C6orf132: variants seen among roughly 807,000 people sequenced by gnomAD.
C6orf132 encodes the protein uncharacterized protein C6orf132.
In C6orf132, 43 loss-of-function variants were observed where a neutral mutation model predicts 65.3. That is an observed-to-expected ratio of 0.66 (90% CI 0.52 to 0.85). The LOEUF (loss-of-function observed/expected upper bound fraction) is 0.85, where lower values mean the gene tolerates loss of function less well. Among genes scored for constraint, C6orf132 ranks in the 40% least tolerant of loss-of-function variants. The pLI is 0.00. For synonymous variants in C6orf132, 631 were observed against 654.1 expected (o/e 0.96, Z 0.54); for missense variants, 1,488 against 1,548.8 (o/e 0.96, Z 0.66).
Position 42,128,687 on chromosome 6 carries a change from C to A in C6orf132, c.237G>T (p.Leu79=). The change falls in exon 2 of 5, where the codon CTG becomes CTT. Residue 79 remains leucine, a synonymous_variant. Transcript: ENST00000341865. ...CCGTACTCACCAGCGGAAGGAAGGT[C>A]AGCAGGGGCCGGACTCTTGGCCGAG... ...LKARPRVRPL[L]TFLPLNAQEN... 1 of 1,551,336 alleles carries A rather than the reference C, an allele frequency of 6.4e-7. No homozygotes were observed. Among genetic ancestry groups the A allele is most frequent in the South Asian group, 1.2e-5 (1 of 84,030 alleles).
chr6:42,107,607 G>A (rs763806007), intron 3 of C6orf132, 24 bp from the exon 4 acceptor site: 2 of 1,550,502 alleles, frequency 1.3e-6, no homozygotes, highest in South Asian at 1.2e-5. Flanking sequence ...AGGCAAAGAT[G>A]GGGGGCAGGA....
In C6orf132 at chr6:42,142,297, C is replaced by T; in HGVS notation, c.145+3G>A. 1 of 1,550,006 alleles carries T rather than the reference C, an allele frequency of 6.5e-7. No homozygotes were observed. Among genetic ancestry groups the T allele is most frequent in the Non-Finnish European group, 8.7e-7 (1 of 1,146,548 alleles). On this transcript the variant is annotated splice_donor_region_variant and intron_variant, in intron 1 of 4. Transcript: ENST00000341865. ...CAGCGCCCTCCGTCCCCGGAGTACT[C>T]ACCGAAGCCCCCGGTCCCCTCCTCC...
intron 2 of C6orf132, among the ~76,000 whole-genome samples, chr6:42,128,342 T>C (rs1766798470): frequency 6.6e-6 from 1 of 152,172 alleles, no homozygotes; most frequent in Non-Finnish European, 1.5e-5. Flanking sequence ...CAGCACCTAA[T>C]GCAGGGCCTG....
At position 42,103,715 on chromosome 6, in the gene C6orf132, C is replaced by G; in HGVS notation, c.*46G>C. On this transcript the variant is annotated 3_prime_UTR_variant, in exon 5 of 5. Coordinates refer to ENST00000341865, the MANE Select transcript of C6orf132 (RefSeq NM_001164446.3). ...CCCCACAAGAAACAAGTGCCCAGAT[C>G]CTTAAAGACACAGTTTGTTGGAGTA... 1 of 1,215,316 alleles carries G rather than the reference C, an allele frequency of 8.2e-7. No homozygotes were observed. The highest frequency in any genetic ancestry group is 1.1e-6 in the Non-Finnish European group (1 of 945,258). 75.3% of individuals were successfully genotyped at this position (1,215,316 alleles called of 1,614,324 possible). A position where few individuals can be genotyped will look rare whatever the true frequency, so the allele number is the denominator to read the frequency against.
rs1376923959 is a variant in C6orf132 at position 42,142,454 on chromosome 6, G to C, written c.-10C>G. The C allele has an allele frequency of 6.5e-7, 1 of 1,549,226 alleles. No homozygotes were observed. Among genetic ancestry groups the C allele is most frequent in the South Asian group, 1.2e-5 (1 of 83,952 alleles). On this transcript the variant is annotated 5_prime_UTR_variant, in exon 1 of 5. Coordinates refer to ENST00000341865, the MANE Select transcript of C6orf132 (RefSeq NM_001164446.3). Reference sequence around the variant, plus strand: ...TCTGCTTCTTTTTCATGCTGCCGCAGCCCGCGCGGGCGCCAGGGAAGGACC... The same window carrying C: ...TCTGCTTCTTTTTCATGCTGCCGCACCCCGCGCGGGCGCCAGGGAAGGACC...
rs767594617 is a variant in C6orf132 at position 42,105,483 on chromosome 6, G to A, written c.2429C>T (p.Pro810Leu). ...PVEVKEPPGL[P>L]AKPPASAQPT... ...CTGGGCCGAGGCAGGAGGCTTGGCT[G>A]GCAGCCCTGGGGGCTCCTTCACCTC... is the stretch of plus-strand genomic sequence containing the variant. Residue 810 changes from proline (P) to leucine (L), a missense_variant, in exon 4 of 5, where the codon CCA (proline) becomes CTA (leucine). Pro to Leu is a moderately conservative substitution (Grantham distance 98). Coordinates refer to ENST00000341865, the MANE Select transcript of C6orf132 (RefSeq NM_001164446.3). 6.5e-7 allele frequency: 1 copy of A among 1,533,432 alleles called. No individual in the cohort carries two copies. The highest frequency in any genetic ancestry group is 8.7e-7 in the Non-Finnish European group (1 of 1,145,074). 95.0% of individuals were successfully genotyped at this position (1,533,432 alleles called of 1,614,324 possible). A position where few individuals can be genotyped will look rare whatever the true frequency, so the allele number is the denominator to read the frequency against.
In C6orf132 at chr6:42,103,648, G is replaced by C. The variant is rs2127472443; in HGVS notation, c.*113C>G. 1.8e-6 allele frequency: 1 copy of C among 548,622 alleles called. No homozygotes were observed. Among genetic ancestry groups the C allele is most frequent in the East Asian group, 3.5e-5 (1 of 28,580 alleles). 34.0% of individuals were successfully genotyped at this position (548,622 alleles called of 1,614,324 possible). On this transcript the variant is annotated 3_prime_UTR_variant, in exon 5 of 5. Coordinates refer to ENST00000341865, the MANE Select transcript of C6orf132 (RefSeq NM_001164446.3). ...CTTTGGGGATCAAAGACTCCTCTGT[G>C]TCTGAGTCAGGTCGCCCAACACCTG... is the stretch of plus-strand genomic sequence containing the variant.
intron 2 of C6orf132, among the ~76,000 whole-genome samples, chr6:42,112,096 TC>T (rs1376265823): frequency 1.3e-5 from 2 of 152,198 alleles, no homozygotes; most frequent in African/African-American, 4.8e-5. Flanking sequence ...TACCTGTCAT[TC>T]CCACTCTCCA....
At chr6:42,123,813 C>T (rs1353633490) in intron 2 of C6orf132, among the ~76,000 whole-genome samples, 1 of 152,182 alleles carries the variant, frequency 6.6e-6, no homozygotes, top group African/African-American at 2.4e-5. Context: ...CCGCAGTATT[C>T]TCATCTTGAC....
rs990501290 is a variant in C6orf132 at position 42,124,394 on chromosome 6, G to T, written c.252+4278C>A. 2.6e-5 allele frequency among the ~76,000 whole-genome samples: 4 copies of T among 152,372 alleles called. No homozygotes were observed. The highest frequency in any genetic ancestry group is 9.6e-5 in the African/African-American group (4 of 41,596). On this transcript the variant is annotated intron_variant, in intron 2 of 4. Transcript: ENST00000341865. The surrounding 1 kb of genome is among the most constrained non-coding windows in gnomAD (Gnocchi z 4.0). The stretch of plus-strand genomic sequence containing the variant: ...CTCCTTCTCTCTAGCTCTGTCCCCT[G>T]GCAGGCTCCTGTAGGGCACTGACAG...
chr6:42,105,503 C>T lies in C6orf132; in HGVS notation c.2409G>A (p.Val803=), dbSNP rs28666916. ...GAAGPGEPVE[V]KEPPGLPAKP... The stretch of plus-strand genomic sequence containing the variant: ...TGGCTGGCAGCCCTGGGGGCTCCTT[C>T]ACCTCCACGGGCTCCCCTGGCCCTG... The change falls in exon 4 of 5, where the codon GTG becomes GTA. Residue 803 remains valine, a synonymous_variant. Coordinates refer to ENST00000341865, the MANE Select transcript of C6orf132 (RefSeq NM_001164446.3). The T allele has an allele frequency of 0.23, 349,634 of 1,532,384 alleles. 42,278 individuals are homozygous for T. The highest frequency in any genetic ancestry group is 0.32 in the Middle Eastern group (1,881 of 5,788). The allele number at this position is 1,532,384 out of a possible 1,614,324, so 94.9% of individuals were successfully genotyped here.
chr6:42,105,350 A>C lies in C6orf132; in HGVS notation c.2562T>G (p.Ser854=). 6.5e-7 allele frequency: 1 copy of C among 1,536,750 alleles called. No homozygotes were observed. Among genetic ancestry groups the C allele is most frequent in the Non-Finnish European group, 8.7e-7 (1 of 1,146,852 alleles). Residue 854 remains serine (S), a synonymous_variant, in exon 4 of 5, where the codon TCT becomes TCG. Transcript: ENST00000341865. ...AGGACCGACCCAGGGCAGCCCCTACAGACCTTCCCTTCTGAGCCCTCTGCC... is the reference window on the plus strand; with the variant it reads ...AGGACCGACCCAGGGCAGCCCCTACCGACCTTCCCTTCTGAGCCCTCTGCC... ...AARQRAQKGR[S]VGAALGRSSL... is the part of the protein sequence containing the mutation.
chr6:42,106,533 TC>T lies in C6orf132; in HGVS notation c.1378del (p.Asp460ThrfsTer57). 6.5e-7 allele frequency: 1 copy of T among 1,533,170 alleles called. No individual in the cohort carries two copies. The highest frequency in any genetic ancestry group is 8.7e-7 in the Non-Finnish European group (1 of 1,144,732). 95.0% of individuals were successfully genotyped at this position (1,533,170 alleles called of 1,614,324 possible). A position where few individuals can be genotyped will look rare whatever the true frequency, so the allele number is the denominator to read the frequency against. ...PENTASSAPVDWRDPSQMEKL... is the reference protein window; with the variant it reads ...PENTASSAPVXWRDPSQMEKL... ...TTCCATCTGGCTGGGGTCCCTCCAG[TC>T]CACAGGTGCTGAAGACGCTGTGTTC... On this transcript the variant is annotated frameshift_variant, in exon 4 of 5. Transcript: ENST00000341865. LOFTEE classifies it high-confidence loss of function.
chr6:42,109,701 C>T (rs913763562), intron 3 of C6orf132, among the ~76,000 whole-genome samples: 1 of 152,112 alleles, frequency 6.6e-6, no homozygotes, highest in African/African-American at 2.4e-5. Flanking sequence ...TCCAGCAGTC[C>T]TTGCAAGAAC....
In C6orf132 at chr6:42,104,845, G is replaced by A. The variant is rs1766363877; in HGVS notation, c.3067C>T (p.Leu1023Phe). ...PRNNYSDLRQ[L>F]PNAGPGAPPA... ...GGCGCCCCGGGGCCAGCGTTCGGGA[G>A]CTGCCTCAAGTCTGAGTAGTTGTTC... The change falls in exon 4 of 5, where the codon CTC (leucine) becomes TTC (phenylalanine). Residue 1023 changes from leucine to phenylalanine, a missense_variant. Physicochemically the swap from Leu to Phe is conservative, Grantham distance 22. Transcript: ENST00000341865. The surrounding 1 kb of genome is among the most constrained non-coding windows in gnomAD (Gnocchi z 4.1). The A allele has an allele frequency of 2.7e-6, 4 of 1,456,562 alleles. No homozygotes were observed. In the Middle Eastern group the frequency reaches 6.2e-4, roughly 227 times the overall value. The allele number at this position is 1,456,562 out of a possible 1,614,324, so 90.2% of individuals were successfully genotyped here.
At chr6:42,125,102 C>A (rs966314579) in intron 2 of C6orf132, among the ~76,000 whole-genome samples, 3 of 152,150 alleles carry the variant, frequency 2.0e-5, no homozygotes, top group Non-Finnish European at 4.4e-5. Flanking sequence ...CCCAGCAGGC[C>A]CAGGCTGCTG....
chr6:42,120,094 C>G (rs991158778), intron 2 of C6orf132, among the ~76,000 whole-genome samples: 1 of 151,444 alleles, frequency 6.6e-6, no homozygotes, highest in Non-Finnish European at 1.5e-5. Flanking sequence ...AACTCCACCT[C>G]GAAAACAAAA....
intron 2 of C6orf132, among the ~76,000 whole-genome samples, chr6:42,123,423 A>AAAGGAG (rs758379147): frequency 0.017 from 2,529 of 145,732 alleles, 32 homozygotes; most frequent in Non-Finnish European, 0.027. Context: ...AAGAAAGAAG[A>AAAGGAG]AAGGAGAAGG....
At chr6:42,111,278 A>ATTTTTT (rs61241413) in intron 2 of C6orf132, among the ~76,000 whole-genome samples, 4 of 119,968 alleles carry the variant, frequency 3.3e-5, no homozygotes, top group African/African-American at 1.1e-4. Flanking sequence ...TTCCTGGCTA[A>ATTTTTT]TTTTTTTTTT....
Sources: allele counts gnomAD v4.1 joint callset (sites outside exome capture counted in the v4.1 genomes callset), GRCh38; gene constraint gnomAD v4.1.1; non-coding constraint Gnocchi (gnomAD v3.1); transcripts MANE v1.5; gene names NCBI Gene and HGNC (gene_info 2026-07-23, HGNC 2026-07-21).